The following KCNH4 variants were observed in gnomAD, a reference collection of about 807,000 sequenced individuals.
KCNH4 encodes the protein potassium voltage-gated channel subfamily H member 4, also known as voltage-gated delayed rectifier potassium channel KCNH4.
A neutral mutation model predicts 90.7 loss-of-function variants in KCNH4; 33 were observed. The observed-to-expected ratio is 0.36, with a 90% CI of 0.28 to 0.49. The LOEUF (loss-of-function observed/expected upper bound fraction) is 0.49, where lower values mean the gene tolerates loss of function less well. Among genes scored for constraint, KCNH4 ranks in the 20% least tolerant of loss-of-function variants. KCNH4 has a pLI of 0.98. For missense variants in KCNH4, 1,044 were observed against 1,387.1 expected (o/e 0.75, Z 3.93); for synonymous variants, 551 against 581.7 (o/e 0.95, Z 0.76).
At position 42,176,068 on chromosome 17, in the gene KCNH4, AT is replaced by A; in HGVS notation, c.814del (p.Met272CysfsTer5). The A allele has an allele frequency of 6.2e-7, 1 of 1,607,998 alleles. No homozygotes were observed. The highest frequency in any genetic ancestry group is 1.1e-5 in the South Asian group (1 of 90,720). The stretch of plus-strand genomic sequence containing the variant: ...GAAGGTCTGACCTAGGATGAAGAGC[AT>A]TTCCACGGCGATGTCGCTGACAAGG... Reference protein sequence around the residue: ...HTLVSDIAVEMLFILDIILNF... With the variant: ...HTLVSDIAVEXLFILDIILNF... On this transcript the variant is annotated frameshift_variant, in exon 5 of 17. Transcript: ENST00000264661. LOFTEE classifies it high-confidence loss of function.
At chr17:42,176,354 G>A in intron 4 of KCNH4, 57 bp from the exon 5 acceptor site, 1 of 1,533,886 alleles carries the variant, frequency 6.5e-7, no homozygotes. Context: ...GCCAAGATGG[G>A]GGGTGGGAAA....
intron 9 of KCNH4, among the ~76,000 whole-genome samples, chr17:42,166,779 T>G (rs1023133329): frequency 6.6e-6 from 1 of 152,188 alleles, no homozygotes; most frequent in African/African-American, 2.4e-5. Flanking sequence ...TCCCTGCCTG[T>G]GGCTACATGC....
chr17:42,160,688 A>T (rs1230012594), intron 15 of KCNH4, among the ~76,000 whole-genome samples: 1 of 152,214 alleles, frequency 6.6e-6, no homozygotes, highest in Non-Finnish European at 1.5e-5. Context: ...ATGTTAAAAA[A>T]TGTGCTCAAA....
At chr17:42,176,351 T>TGTG in intron 4 of KCNH4, 54 bp from the exon 5 acceptor site, 2 of 1,104,804 alleles carry the variant, frequency 1.8e-6, no homozygotes, top group African/African-American at 2.1e-5. Context: ...GGAGCCAAGA[T>TGTG]GGGGGGTGGG....
At chr17:42,160,499 C>G (rs1472863710) in intron 15 of KCNH4, 64 bp from the exon 16 acceptor site, 33 of 1,493,100 alleles carry the variant, frequency 2.2e-5, no homozygotes, top group Non-Finnish European at 2.2e-5. Flanking sequence ...ACCCCCCTCT[C>G]CAGTTTACAA....
chr17:42,165,174 A>G (rs1445146819), intron 11 of KCNH4, among the ~76,000 whole-genome samples: 1 of 150,978 alleles, frequency 6.6e-6, no homozygotes, highest in Non-Finnish European at 1.5e-5. Flanking sequence ...AGGAGTCAGG[A>G]GTCTGGGGTG....
intron 9 of KCNH4, among the ~76,000 whole-genome samples, chr17:42,166,855 G>A (rs1245573385): frequency 6.6e-5 from 10 of 152,196 alleles, no homozygotes; most frequent in Admixed American, 5.9e-4. Flanking sequence ...GGAGTCAGGA[G>A]ACCAGGAGTC....
rs1007814710 is a variant in KCNH4 at position 42,160,251 on chromosome 17, A to C, written c.2843T>G (p.Leu948Arg). 2.5e-6 allele frequency: 4 copies of C among 1,614,056 alleles called. No homozygotes were observed. The highest frequency in any genetic ancestry group is 3.4e-6 in the Non-Finnish European group (4 of 1,179,972). ...SPCASRPPPS[L>R]QDTTLAEVHC... ...AACTTCAGCAAGCGTAGTATCCTGGAGGCTGGGTGGTGGTCTGGACGCACA... is the reference window on the plus strand; with the variant it reads ...AACTTCAGCAAGCGTAGTATCCTGGCGGCTGGGTGGTGGTCTGGACGCACA... Residue 948 changes from leucine to arginine, a missense_variant, in exon 16 of 17, where the codon CTC (leucine) becomes CGC (arginine). Coordinates refer to ENST00000264661, the MANE Select transcript of KCNH4 (RefSeq NM_012285.3).
intron 15 of KCNH4, among the ~76,000 whole-genome samples, chr17:42,161,952 C>CTTTT (rs986564483): frequency 1.2e-4 from 15 of 122,250 alleles, no homozygotes; most frequent in Non-Finnish European, 1.5e-4. Flanking sequence ...ATATCTCTCT[C>CTTTT]TTTTTTTTTT....
Position 42,167,704 on chromosome 17 carries a change from C to A in KCNH4, c.1591-1158G>T, listed in dbSNP as rs778332964. Among the ~76,000 whole-genome samples, 6 of 152,368 alleles carry A rather than the reference C, an allele frequency of 3.9e-5. No homozygotes were observed. In the South Asian group the frequency reaches 1.2e-3, roughly 32 times the overall value. On this transcript the variant is annotated intron_variant, in intron 9 of 16. Transcript: ENST00000264661. ...CCCCCTGTTATGCCTCCATCCCCAC[C>A]CTTGGCCTAAGCCAGAAAACTGGGA...
chr17:42,178,063 A>G lies in KCNH4; in HGVS notation c.585+37T>C, dbSNP rs572750927. The G allele has an allele frequency of 4.8e-5, 77 of 1,597,414 alleles. No homozygotes were observed. In the African/African-American group the frequency reaches 9.8e-4, roughly 20 times the overall value. ...AGGGGTGCCTCAGAATCAAGGCTGG[A>G]GGACTTGGGAGATGTTGGGTTGGGG... On this transcript the variant is annotated intron_variant, in intron 4 of 16. Coordinates refer to ENST00000264661, the MANE Select transcript of KCNH4 (RefSeq NM_012285.3).
Position 42,178,952 on chromosome 17 carries a change from C to T in KCNH4, c.151G>A (p.Glu51Lys), listed in dbSNP as rs1229711619. ...TCGGTGCGACCGTAGCCTGTGAGCT[C>T]GCAGAAGCCGTCGGAGCAGTAGACG... ...PIVYCSDGFC[E>K]LTGYGRTEVM... The change falls in exon 2 of 17, where the codon GAG becomes AAG. Residue 51 changes from glutamate to lysine, a missense_variant. By Grantham distance (56) the Glu-to-Lys change is moderately conservative. This residue lies in a region of KCNH4 where 283 missense variants were observed against 378.6 expected (regional missense o/e 0.75). Coordinates refer to ENST00000264661, the MANE Select transcript of KCNH4 (RefSeq NM_012285.3). 6 of 1,614,082 alleles carry T rather than the reference C, an allele frequency of 3.7e-6. No individual in the cohort carries two copies. Among genetic ancestry groups the T allele is most frequent in the Middle Eastern group, 1.6e-4 (1 of 6,084 alleles).
intron 6 of KCNH4, among the ~76,000 whole-genome samples, chr17:42,173,455 T>A (rs1403435011): frequency 1.3e-5 from 2 of 152,126 alleles, no homozygotes; most frequent in African/African-American, 4.8e-5. Context: ...CAGCTGCCCT[T>A]GGGCCACTCT....
At chr17:42,175,939 C>A in intron 5 of KCNH4, 115 bp downstream of exon 5, 1 of 1,334,694 alleles carries the variant, frequency 7.5e-7, no homozygotes, top group East Asian at 2.3e-5. Flanking sequence ...CTTAAAGATG[C>A]AGAAAGGAAG....
At position 42,161,552 on chromosome 17, in the gene KCNH4, C is replaced by T. The variant is rs2079748928; in HGVS notation, c.2658+696G>A. Among the ~76,000 whole-genome samples, 3 of 152,210 alleles carry T rather than the reference C, an allele frequency of 2.0e-5. No homozygotes were observed. In the South Asian group the frequency reaches 6.2e-4, roughly 32 times the overall value. ...AGTTCAGACATCTGGATCCAGGTCC[C>T]CCAGGCCTGAAGGCCTCTCAGCCTC... On this transcript the variant is annotated intron_variant, in intron 15 of 16. Transcript: ENST00000264661.
rs888169269 is a variant in KCNH4, at chr17:42,163,411, G to A, written c.2478-77C>T. On this transcript the variant is annotated intron_variant, in intron 13 of 16. Coordinates refer to ENST00000264661, the MANE Select transcript of KCNH4 (RefSeq NM_012285.3). The surrounding 1 kb of genome is among the most constrained non-coding windows in gnomAD (Gnocchi z 5.4). ...AGCAGAGCAGACAGAGGGGGACTGG[G>A]GGCAGCAGTGCCAGGGGGCGGAGCA... The A allele has an allele frequency of 5.0e-5, 54 of 1,078,040 alleles. No homozygotes were observed. The highest frequency in any genetic ancestry group is 8.0e-5 in the Admixed American group (4 of 49,984). 66.8% of individuals were successfully genotyped at this position (1,078,040 alleles called of 1,614,324 possible).
At chr17:42,178,580 A>G in intron 2 of KCNH4, 103 bp from the exon 3 acceptor site, 1 of 1,421,212 alleles carries the variant, frequency 7.0e-7, no homozygotes, top group Non-Finnish European at 9.5e-7. Context: ...AGCTTGGCAA[A>G]GCAAGAACCA....
At chr17:42,157,594 A>G (rs2079718072) in intron 16 of KCNH4, among the ~76,000 whole-genome samples, 1 of 152,150 alleles carries the variant, frequency 6.6e-6, no homozygotes, top group South Asian at 2.1e-4. Context: ...CGGTAGCCTG[A>G]TGTCCTGAGG....
rs551307010 is a variant in KCNH4, at chr17:42,179,117, T to C, written c.77-91A>G. On this transcript the variant is annotated intron_variant, in intron 1 of 16. Coordinates refer to ENST00000264661, the MANE Select transcript of KCNH4 (RefSeq NM_012285.3). ...ACTTCCTCTAAGTTGGGGTTAGAAG[T>C]CACAGAGCCAGAAGCTTCCCAGGTT... is the stretch of plus-strand genomic sequence containing the variant. The C allele has an allele frequency of 9.1e-5, 79 of 868,936 alleles. No individual in the cohort carries two copies. In the East Asian group the frequency reaches 1.5e-3, roughly 16 times the overall value. The allele number at this position is 868,936 out of a possible 1,614,324, so 53.8% of individuals were successfully genotyped here. A position where few individuals can be genotyped will look rare whatever the true frequency, so the allele number is the denominator to read the frequency against.
Sources: gnomAD v4.1 joint callset for allele counts (sites outside exome capture counted in the v4.1 genomes callset) on GRCh38, gnomAD v4.1.1 for gene constraint, gnomAD v4.1.1 regional missense constraint, Gnocchi (gnomAD v3.1) non-coding constraint, MANE v1.5 for transcripts, NCBI Gene and HGNC (gene_info 2026-07-23, HGNC 2026-07-21) for gene names.